SLC35F3: variants seen among roughly 807,000 people sequenced by gnomAD.
SLC35F3 encodes putative thiamine transporter SLC35F3.
Under a neutral mutation model 49.9 loss-of-function variants are expected in SLC35F3, and 25 were observed. The ratio of observed to expected loss-of-function variants is 0.50; its 90% CI spans 0.37 to 0.70. The LOEUF (loss-of-function observed/expected upper bound fraction) is 0.70, where lower values mean the gene tolerates loss of function less well. SLC35F3 is among the 30% of genes least tolerant of loss of function. The pLI is 0.00. For missense variants in SLC35F3, 525 were observed against 639.8 expected, an observed-to-expected ratio of 0.82 and a Z score of 1.94; for synonymous variants, 275 against 265.4, an observed-to-expected ratio of 1.04 and a Z score of -0.35.
At chr1:234,053,886 C>A (rs968371067) in intron 2 of SLC35F3, among the ~76,000 whole-genome samples, 1 of 152,154 alleles carries the variant, frequency 6.6e-6, no homozygotes, top group Admixed American at 6.5e-5. Flanking sequence ...GATTTTATTT[C>A]TCCTTCAATT....
chr1:234,233,815 A>G (rs978074749), intron 3 of SLC35F3, among the ~76,000 whole-genome samples: 2 of 152,236 alleles, frequency 1.3e-5, no homozygotes, highest in Non-Finnish European at 2.9e-5. Context: ...TTCTGTCATC[A>G]CATTCTGCTC....
intron 2 of SLC35F3, among the ~76,000 whole-genome samples, chr1:234,172,930 G>T (rs1226893612): frequency 1.3e-5 from 2 of 152,156 alleles, no homozygotes; most frequent in African/African-American, 2.4e-5. Context: ...TAGCAGAGAG[G>T]CCCCATGTGT....
At chr1:234,091,629 T>C (rs191105075) in intron 2 of SLC35F3, among the ~76,000 whole-genome samples, 25 of 152,376 alleles carry the variant, frequency 1.6e-4, no homozygotes, top group Non-Finnish European at 2.9e-4. Context: ...CTTATTAATT[T>C]GGTTTGTGGT....
At chr1:234,088,948 G>A (rs1208648088) in intron 2 of SLC35F3, among the ~76,000 whole-genome samples, 1 of 151,650 alleles carries the variant, frequency 6.6e-6, no homozygotes, top group African/African-American at 2.4e-5. Context: ...TTTTAGTAGA[G>A]AGGAGGTTTT....
intron 3 of SLC35F3, among the ~76,000 whole-genome samples, chr1:234,300,261 C>T (rs560596736): frequency 6.6e-6 from 1 of 152,314 alleles, no homozygotes; most frequent in African/African-American, 2.4e-5. Flanking sequence ...GGCATGCTGT[C>T]AAGAATGCAT....
intron 3 of SLC35F3, chr1:234,284,980 C>G (rs1378413307): frequency 6.0e-6 from 1 of 167,826 alleles, no homozygotes; most frequent in African/African-American, 2.4e-5. Context: ...GAATGAAGAC[C>G]ATTCGCAGAA....
intron 2 of SLC35F3, among the ~76,000 whole-genome samples, chr1:234,042,964 C>T (rs12024785): frequency 0.021 from 3,212 of 152,208 alleles, 129 homozygotes; most frequent in East Asian, 0.17. Context: ...TAATTACTTC[C>T]GTAAGTCTAA....
chr1:233,929,597 T>C (rs895642537), intron 2 of SLC35F3, among the ~76,000 whole-genome samples: 1 of 152,228 alleles, frequency 6.6e-6, no homozygotes, highest in African/African-American at 2.4e-5. Context: ...CTCTTTGGAT[T>C]AATTATGTTG....
At chr1:233,938,899 A>G (rs1238812560) in intron 2 of SLC35F3, among the ~76,000 whole-genome samples, 1 of 152,222 alleles carries the variant, frequency 6.6e-6, no homozygotes, top group East Asian at 1.9e-4. Flanking sequence ...AAACTGCAAC[A>G]CTGCAGTCAA....
chr1:234,081,632 C>T (rs1189524231), intron 2 of SLC35F3, among the ~76,000 whole-genome samples: 2 of 152,134 alleles, frequency 1.3e-5, no homozygotes, highest in Non-Finnish European at 2.9e-5. Flanking sequence ...TTCTTGATGC[C>T]TTTAACCAGG....
intron 2 of SLC35F3, among the ~76,000 whole-genome samples, chr1:234,020,560 G>A (rs1347467712): frequency 6.6e-6 from 1 of 151,972 alleles, no homozygotes; most frequent in Non-Finnish European, 1.5e-5. Flanking sequence ...CTGGCAGTGG[G>A]ATAAATTAGG....
rs182696280 is a variant in SLC35F3, at chr1:234,080,807, G to A, written c.284-150610G>A. Among the ~76,000 whole-genome samples, 143 of 152,268 alleles carry A rather than the reference G, an allele frequency of 9.4e-4. 1 individual carries two copies. The highest frequency in any genetic ancestry group is 3.4e-3 in the Middle Eastern group (1 of 294). On this transcript the variant is annotated intron_variant, in intron 2 of 7. Transcript: ENST00000366618. Reference sequence around the variant, plus strand: ...TCACAGGTATAAGATTTCTTTCTGCGTCAATGGAAATATTTCAAATAAGAT... The same window carrying A: ...TCACAGGTATAAGATTTCTTTCTGCATCAATGGAAATATTTCAAATAAGAT...
intron 2 of SLC35F3, among the ~76,000 whole-genome samples, chr1:234,226,564 A>G (rs1196859023): frequency 6.6e-6 from 1 of 151,926 alleles, no homozygotes; most frequent in Non-Finnish European, 1.5e-5. Context: ...AAAAAAAAAA[A>G]AAAAGCACCC....
intron 3 of SLC35F3, among the ~76,000 whole-genome samples, chr1:234,298,626 C>T (rs1668644035): frequency 6.6e-6 from 1 of 152,082 alleles, no homozygotes; most frequent in Non-Finnish European, 1.5e-5. Context: ...TTCTGTGCCC[C>T]ATTCCAGACC....
Position 234,078,316 on chromosome 1 carries a change from T to G in SLC35F3, c.284-153101T>G, listed in dbSNP as rs112701698. ...CTGTTTCTCTCCAATTTTCTCAGAA[T>G]AGTTATCCACACTCACTGCTCCATT... is the stretch of plus-strand genomic sequence containing the variant. On this transcript the variant is annotated intron_variant, in intron 2 of 7. Coordinates refer to ENST00000366618, the MANE Select transcript of SLC35F3 (RefSeq NM_173508.4). 5.0e-4 allele frequency among the ~76,000 whole-genome samples: 76 copies of G among 152,332 alleles called. No homozygotes were observed. The South Asian group carries it at 0.011, about 22-fold the overall frequency.
At chr1:233,946,113 T>C (rs956326187) in intron 2 of SLC35F3, among the ~76,000 whole-genome samples, 2 of 152,224 alleles carry the variant, frequency 1.3e-5, no homozygotes, top group African/African-American at 4.8e-5. Flanking sequence ...AATTTTTGAC[T>C]GTACAAATAC....
At chr1:234,045,838 A>G (rs1230227865) in intron 2 of SLC35F3, among the ~76,000 whole-genome samples, 1 of 152,036 alleles carries the variant, frequency 6.6e-6, no homozygotes, top group Admixed American at 6.6e-5. Flanking sequence ...TACTGCATAT[A>G]TGTGGATCCA....
In SLC35F3 at chr1:234,056,938, T is replaced by C. The variant is rs118176313; in HGVS notation, c.283+151180T>C. Among the ~76,000 whole-genome samples, 49 of 152,340 alleles carry C rather than the reference T, an allele frequency of 3.2e-4. No individual in the cohort carries two copies. The East Asian group carries it at 7.9e-3, about 25-fold the overall frequency. The stretch of plus-strand genomic sequence containing the variant: ...AGACTACTCTTTCTCAATTGTATGG[T>C]ATTGGCAACTTGTCAAAAATCAGTT... On this transcript the variant is annotated intron_variant, in intron 2 of 7. Transcript: ENST00000366618.
intron 2 of SLC35F3, among the ~76,000 whole-genome samples, chr1:233,907,049 G>A (rs1294859614): frequency 3.3e-5 from 5 of 152,150 alleles, no homozygotes; most frequent in African/African-American, 1.2e-4. Flanking sequence ...AAAACCCTGG[G>A]CATGGGATAA....
Sources: allele counts gnomAD v4.1 joint callset (sites outside exome capture counted in the v4.1 genomes callset), GRCh38; gene constraint gnomAD v4.1.1; transcripts MANE v1.5; gene names NCBI Gene and HGNC (gene_info 2026-07-23, HGNC 2026-07-21).